LPA: variants seen among roughly 807,000 people sequenced by gnomAD.
LPA encodes apolipoprotein(a).
In LPA, 199 loss-of-function variants were observed where a neutral mutation model predicts 197.9. The observed-to-expected ratio is 1.01, with a 90% CI of 0.90 to 1.13. The LOEUF (loss-of-function observed/expected upper bound fraction) is 1.13, where lower values mean the gene tolerates loss of function less well. Among genes scored for constraint, LPA ranks in the 50% most tolerant of loss-of-function variants. The pLI is 0.00. For synonymous variants in LPA, 715 were observed against 639.5 expected (o/e 1.12, Z -1.78); for missense variants, 1,853 against 1,785.8 (o/e 1.04, Z -0.68).
At position 160,532,653 on chromosome 6, in the gene LPA, T is replaced by C; in HGVS notation, c.5843-4A>G. 1 of 1,572,432 alleles carries C rather than the reference T, an allele frequency of 6.4e-7. No individual in the cohort carries two copies. Among genetic ancestry groups the C allele is most frequent in the African/African-American group, 1.3e-5 (1 of 74,142 alleles). ...AGAAGGCCAGTCCCAAAGGTACCTG[T>C]GTTTAAAAAGATGAAAGAAATGGTT... On this transcript the variant is annotated splice_polypyrimidine_tract_variant and splice_region_variant and intron_variant, in intron 37 of 38. Transcript: ENST00000316300.
intron 26 of LPA, among the ~76,000 whole-genome samples, chr6:160,581,852 T>C (rs963720084): frequency 1.2e-4 from 19 of 152,190 alleles, no homozygotes; most frequent in African/African-American, 4.3e-4. Context: ...TGTCTTTATT[T>C]AGATCTTCTA....
intron 24 of LPA, among the ~76,000 whole-genome samples, chr6:160,586,922 G>A (rs1018496273): frequency 1.2e-4 from 19 of 152,140 alleles, no homozygotes; most frequent in Admixed American, 1.0e-3. Flanking sequence ...TCTACCTTCT[G>A]CCAAATACAT....
intron 28 of LPA, among the ~76,000 whole-genome samples, chr6:160,558,184 G>T (rs1778301719): frequency 1.3e-5 from 2 of 152,124 alleles, no homozygotes; most frequent in Admixed American, 1.3e-4. Context: ...CTCCCAAAGT[G>T]CTGGGATTAC....
chr6:160,557,538 A>G lies in LPA; in HGVS notation c.4665T>C (p.Asp1555=), dbSNP rs774108286. ...GLTENYCRNP[D]SGKQPWCYTT... ...TGTAACACCAGGGTTGTTTCCCAGA[A>G]TCTGGATTCCTGCAGTAGTTCTCGG... Residue 1555 remains aspartate (D), a synonymous_variant, in exon 29 of 39, where the codon GAT becomes GAC. Transcript: ENST00000316300. The G allele has an allele frequency of 6.8e-6, 11 of 1,613,942 alleles. No homozygotes were observed. Among genetic ancestry groups the G allele is most frequent in the Non-Finnish European group, 9.3e-6 (11 of 1,179,994 alleles).
At chr6:160,659,009 A>G (rs1780177746) in intron 1 of LPA, among the ~76,000 whole-genome samples, 1 of 152,120 alleles carries the variant, frequency 6.6e-6, no homozygotes, top group South Asian at 2.1e-4. Context: ...GTATTAACTC[A>G]CAAGATTACA....
chr6:160,611,331 T>G (rs1779510002), intron 16 of LPA, among the ~76,000 whole-genome samples: 1 of 152,086 alleles, frequency 6.6e-6, no homozygotes. Flanking sequence ...TAAGGTGATC[T>G]CCTCGCCTCC....
intron 1 of LPA, among the ~76,000 whole-genome samples, chr6:160,653,311 T>C (rs898882421): frequency 6.6e-6 from 1 of 151,952 alleles, no homozygotes; most frequent in African/African-American, 2.4e-5. Context: ...AATAGACTAA[T>C]CTAGAGTTAA....
At chr6:160,592,567 T>C (rs1399575013) in intron 22 of LPA, among the ~76,000 whole-genome samples, 1 of 152,228 alleles carries the variant, frequency 6.6e-6, no homozygotes, top group Non-Finnish European at 1.5e-5. Flanking sequence ...CAGTTATGGA[T>C]CACAGTGAAA....
At chr6:160,655,314 T>C (rs1780113728) in intron 1 of LPA, among the ~76,000 whole-genome samples, 1 of 152,188 alleles carries the variant, frequency 6.6e-6, no homozygotes, top group African/African-American at 2.4e-5. Flanking sequence ...GTGATTCACC[T>C]ATGGGGGCCT....
chr6:160,594,589 A>T (rs1331716447), intron 21 of LPA, among the ~76,000 whole-genome samples: 1 of 152,222 alleles, frequency 6.6e-6, no homozygotes, highest in Non-Finnish European at 1.5e-5. Flanking sequence ...GCGGTCCTGC[A>T]TCTAGGACTC....
intron 30 of LPA, among the ~76,000 whole-genome samples, chr6:160,550,400 C>T (rs2115005864): frequency 6.6e-6 from 1 of 152,286 alleles, no homozygotes; most frequent in Non-Finnish European, 1.5e-5. Flanking sequence ...GCAACATTGT[C>T]TCTGTAGAGA....
chr6:160,652,263 C>G (rs1780020949), intron 1 of LPA, among the ~76,000 whole-genome samples: 1 of 151,892 alleles, frequency 6.6e-6, no homozygotes, highest in South Asian at 2.1e-4. Context: ...AAATTATAGT[C>G]AAACTGTTGA....
chr6:160,647,944 C>T lies in LPA; in HGVS notation c.210-1549G>A, dbSNP rs1378260477. Among the ~76,000 whole-genome samples, 4 of 152,172 alleles carry T rather than the reference C, an allele frequency of 2.6e-5. 1 individual carries two copies. The highest frequency in any genetic ancestry group is 2.0e-4 in the Admixed American group (3 of 15,272). On this transcript the variant is annotated intron_variant, in intron 2 of 38. Transcript: ENST00000316300. ...TATATAGGCTGCAGAAAGTTCCCTT[C>T]TTGTTCTATTCTTCTTCTCCTTAAT... is the stretch of plus-strand genomic sequence containing the variant.
rs552365079 is a variant in LPA at position 160,565,488 on chromosome 6, A to G, written c.4632-7917T>C. Among the ~76,000 whole-genome samples, 8 of 152,352 alleles carry G rather than the reference A, an allele frequency of 5.3e-5. No homozygotes were observed. In the South Asian group the frequency reaches 1.7e-3, roughly 32 times the overall value. On this transcript the variant is annotated intron_variant, in intron 28 of 38. Coordinates refer to ENST00000316300, the MANE Select transcript of LPA (RefSeq NM_005577.4). ...TGACTGTTAGAAGGAAAACTAACAA[A>G]CAGAAAAGACATCCACACCAAAACC...
In LPA at chr6:160,647,995, A is replaced by G. The variant is rs1030665047; in HGVS notation, c.210-1600T>C. Among the ~76,000 whole-genome samples, 21 of 152,144 alleles carry G rather than the reference A, an allele frequency of 1.4e-4. 1 individual carries two copies. The highest frequency in any genetic ancestry group is 4.8e-4 in the African/African-American group (20 of 41,428). On this transcript the variant is annotated intron_variant, in intron 2 of 38. Transcript: ENST00000316300. The stretch of plus-strand genomic sequence containing the variant: ...TCCTTAGGGTCACCTCTTTTGTTAC[A>G]TAAGCCTGCTGATTCCAAAGTCTTA...
intron 16 of LPA, among the ~76,000 whole-genome samples, chr6:160,610,747 G>T (rs1562344521): frequency 6.6e-6 from 1 of 152,120 alleles, no homozygotes; most frequent in Non-Finnish European, 1.5e-5. Context: ...GCTACAGGCT[G>T]CTTGAGCTCC....
chr6:160,546,779 G>A (rs2115002780), intron 32 of LPA, among the ~76,000 whole-genome samples: 1 of 152,272 alleles, frequency 6.6e-6, no homozygotes, highest in Non-Finnish European at 1.5e-5. Flanking sequence ...TGTGAGAAGT[G>A]TTATGTTACA....
chr6:160,548,473 C>T lies in LPA; in HGVS notation c.5155+5G>A, dbSNP rs367957017. ...GCTAGACAAGGTAAGACACAGACTT[C>T]TTACCTTGTTCAGAAGGAGGCCCTA... On this transcript the variant is annotated splice_donor_5th_base_variant and intron_variant, in intron 31 of 38. Coordinates refer to ENST00000316300, the MANE Select transcript of LPA (RefSeq NM_005577.4). The T allele has an allele frequency of 1.8e-5, 29 of 1,613,646 alleles. No homozygotes were observed. The highest frequency in any genetic ancestry group is 2.7e-5 in the African/African-American group (2 of 74,900).
chr6:160,533,084 TA>T (rs1304424077), intron 37 of LPA, among the ~76,000 whole-genome samples: 2 of 152,100 alleles, frequency 1.3e-5, no homozygotes, highest in Admixed American at 6.5e-5. Flanking sequence ...CATGAGTTTT[TA>T]AAAAAATGCT....
Sources: allele counts gnomAD v4.1 joint callset (sites outside exome capture counted in the v4.1 genomes callset), GRCh38; gene constraint gnomAD v4.1.1; transcripts MANE v1.5; gene names NCBI Gene and HGNC (gene_info 2026-07-23, HGNC 2026-07-21).